The following NPAS3 variants were observed in gnomAD, a reference collection of about 807,000 sequenced individuals.
NPAS3 encodes the protein neuronal PAS domain-containing protein 3.
NPAS3 carries 14 observed loss-of-function variants against 73.1 expected under a neutral mutation model. The observed-to-expected ratio is 0.19, with a 90% CI of 0.13 to 0.30. The LOEUF (loss-of-function observed/expected upper bound fraction) is 0.30, where lower values mean the gene tolerates loss of function less well. NPAS3 is among the 10% of genes least tolerant of loss of function. The pLI is 1.00. For missense variants in NPAS3, 1,096 were observed against 1,250.0 expected (o/e 0.88, Z 1.86); for synonymous variants, 620 against 541.5 (o/e 1.14, Z -2.01).
At chr14:33,275,137 A>G (rs1245708966) in intron 3 of NPAS3, among the ~76,000 whole-genome samples, 1 of 152,182 alleles carries the variant, frequency 6.6e-6, no homozygotes, top group Middle Eastern at 3.2e-3. Context: ...TAGCTACAAA[A>G]GGGAGCCCAC....
chr14:33,129,006 C>T (rs1027956138), intron 2 of NPAS3, among the ~76,000 whole-genome samples: 4 of 152,136 alleles, frequency 2.6e-5, no homozygotes, highest in Admixed American at 1.3e-4. Flanking sequence ...AGTCCCATTA[C>T]GAATTTTCCA....
intron 4 of NPAS3, among the ~76,000 whole-genome samples, chr14:33,437,886 T>C (rs1566902873): frequency 1.3e-5 from 2 of 152,208 alleles, no homozygotes; most frequent in Non-Finnish European, 2.9e-5. Context: ...AAAATCTTCA[T>C]ACATTCCAAG....
At chr14:33,324,512 C>T (rs1419046784) in intron 3 of NPAS3, among the ~76,000 whole-genome samples, 2 of 152,270 alleles carry the variant, frequency 1.3e-5, no homozygotes, top group South Asian at 2.1e-4. Flanking sequence ...ATATGATGAA[C>T]CAAACGCAGA....
chr14:33,728,838 A>G (rs562310437), intron 6 of NPAS3, among the ~76,000 whole-genome samples: 9 of 152,304 alleles, frequency 5.9e-5, no homozygotes, highest in African/African-American at 2.2e-4. Context: ...TGCAGAAAAC[A>G]CTTCCTTAGA....
intron 1 of NPAS3, among the ~76,000 whole-genome samples, chr14:33,002,452 G>A (rs1253876870): frequency 1.3e-5 from 2 of 152,156 alleles, no homozygotes; most frequent in Admixed American, 1.3e-4. Flanking sequence ...GAATTCTTAT[G>A]GTTGTTTGTA....
intron 1 of NPAS3, among the ~76,000 whole-genome samples, chr14:33,000,799 G>A (rs2038779445): frequency 6.6e-6 from 1 of 152,200 alleles, no homozygotes; most frequent in Non-Finnish European, 1.5e-5. Flanking sequence ...GCTGGGGTAA[G>A]TCAGAAACTG....
intron 5 of NPAS3, among the ~76,000 whole-genome samples, chr14:33,635,048 A>G (rs111540998): frequency 6.1e-4 from 93 of 152,336 alleles, no homozygotes; most frequent in African/African-American, 2.1e-3. Context: ...AGTATCACAC[A>G]AGAACAGTTA....
At chr14:33,498,951 T>A (rs1035807821) in intron 4 of NPAS3, among the ~76,000 whole-genome samples, 1 of 146,228 alleles carries the variant, frequency 6.8e-6, no homozygotes, top group Admixed American at 6.8e-5. Flanking sequence ...TGTGTGTGTG[T>A]GTGTGTGTGT....
chr14:33,520,374 G>A (rs1038557254), intron 4 of NPAS3, among the ~76,000 whole-genome samples: 1 of 151,980 alleles, frequency 6.6e-6, no homozygotes, highest in Non-Finnish European at 1.5e-5. Context: ...TGCTGTCTGA[G>A]TTTGGTTGTT....
At chr14:33,077,775 T>TTTTTTTTTTTTG (rs1491317334) in intron 2 of NPAS3, among the ~76,000 whole-genome samples, 1 of 25,486 alleles carries the variant, frequency 3.9e-5, no homozygotes, top group African/African-American at 1.9e-4. Flanking sequence ...GCAGTAAGGG[T>TTTTTTTTTTTTG]TTTTTTTTTT....
At chr14:33,645,724 C>CTGAGCTTGCTGCCATGG in intron 5 of NPAS3, among the ~76,000 whole-genome samples, 1 of 152,314 alleles carries the variant, frequency 6.6e-6, no homozygotes, top group Middle Eastern at 3.4e-3. Context: ...CACAGTGCTT[C>CTGAGCTTGCTGCCATGG]TGAGCTTGCT....
chr14:33,619,449 A>T (rs765377828), intron 5 of NPAS3, among the ~76,000 whole-genome samples: 4 of 127,270 alleles, frequency 3.1e-5, no homozygotes, highest in Non-Finnish European at 5.7e-5. Flanking sequence ...TGAGATGATT[A>T]AAAAAAAAAA....
intron 4 of NPAS3, among the ~76,000 whole-genome samples, chr14:33,515,805 C>T (rs2053270006): frequency 6.6e-6 from 1 of 152,020 alleles, no homozygotes; most frequent in African/African-American, 2.4e-5. Context: ...GGATCTTGTC[C>T]CTCTTAACAC....
exon 10 of NPAS3, chr14:33,794,020 T>C: frequency 6.2e-7 from 1 of 1,613,368 alleles, no homozygotes; most frequent in South Asian, 1.1e-5. Flanking sequence ...GAAAAGAATA[T>C]CATCTGGGTG....
At chr14:33,158,751 C>T (rs897154202) in intron 2 of NPAS3, among the ~76,000 whole-genome samples, 2 of 152,130 alleles carry the variant, frequency 1.3e-5, no homozygotes, top group African/African-American at 4.8e-5. Context: ...AAGAGGGGCC[C>T]TGTTACTTGT....
intron 7 of NPAS3, among the ~76,000 whole-genome samples, chr14:33,759,631 T>C (rs1469855034): frequency 6.6e-6 from 1 of 152,340 alleles, no homozygotes; most frequent in African/African-American, 2.4e-5. Flanking sequence ...GAAATAATGT[T>C]TTAAGAAAGT....
At chr14:33,055,224 A>T (rs2040847005) in intron 1 of NPAS3, among the ~76,000 whole-genome samples, 1 of 152,202 alleles carries the variant, frequency 6.6e-6, no homozygotes, top group South Asian at 2.1e-4. Context: ...AGATGAATTT[A>T]TATGCTTAAG....
rs563828618 is a variant in NPAS3 at position 33,285,296 on chromosome 14, T to G, written c.385+69870T>G. 2.6e-5 allele frequency among the ~76,000 whole-genome samples: 4 copies of G among 152,262 alleles called. No individual in the cohort carries two copies. In the East Asian group the frequency reaches 7.7e-4, roughly 29 times the overall value. On this transcript the variant is annotated intron_variant, in intron 3 of 11. Transcript: ENST00000356141. ...TTTACACACAGATGAAAAAATGACC[T>G]TTCTGATTGCTAATCAAATGGGAAC...
rs559434542 is a variant in NPAS3 at position 33,534,051 on chromosome 14, G to A, written c.469-26070G>A. Among the ~76,000 whole-genome samples, 7 of 152,098 alleles carry A rather than the reference G, an allele frequency of 4.6e-5. No homozygotes were observed. The South Asian group carries it at 8.3e-4, about 18-fold the overall frequency. On this transcript the variant is annotated intron_variant, in intron 4 of 11. Transcript: ENST00000356141. ...TTTTATTCAGTTAGCTAGACATCAT[G>A]ACAAGAGTATTTGTTTATTTCATTT...
Sources: gnomAD v4.1 joint callset for allele counts (sites outside exome capture counted in the v4.1 genomes callset) on GRCh38, gnomAD v4.1.1 for gene constraint, MANE v1.5 for transcripts, NCBI Gene and HGNC (gene_info 2026-07-23, HGNC 2026-07-21) for gene names.